The following SULT1B1 variants were observed in gnomAD, a reference collection of about 807,000 sequenced individuals.
SULT1B1 encodes the protein sulfotransferase 1B1.
Under a neutral mutation model 34.6 loss-of-function variants are expected in SULT1B1, and 28 were observed. The ratio of observed to expected loss-of-function variants is 0.81; its 90% CI spans 0.60 to 1.11. SULT1B1 has a LOEUF of 1.11. Ranked by LOEUF, SULT1B1 falls within the 50% of genes least tolerant of loss-of-function variation. SULT1B1 has a pLI of 0.00. For synonymous variants in SULT1B1, 147 were observed against 110.2 expected (o/e 1.33, Z -2.09); for missense variants, 374 against 352.2 (o/e 1.06, Z -0.50).
At chr4:69,744,270 C>T (rs1718666455) in intron 4 of SULT1B1, among the ~76,000 whole-genome samples, 2 of 152,210 alleles carry the variant, frequency 1.3e-5, no homozygotes, top group Admixed American at 1.3e-4. Context: ...TGACTGTCTC[C>T]TCTCTGTGTT....
In SULT1B1 at chr4:69,723,871, A is replaced by G. The variant is rs1235336191; in HGVS notation, c.*3217T>C. 2 of 152,226 alleles carry G rather than the reference A, an allele frequency of 1.3e-5. No homozygotes were observed. Among genetic ancestry groups the G allele is most frequent in the East Asian group, 3.8e-4 (2 of 5,200 alleles). The allele number at this position is 152,226 out of a possible 1,614,324, so 9.4% of individuals were successfully genotyped here. ...AATAAATTAGGTATTGATGGAATGT[A>G]TCTCAAAATAAGGAGAGCCCTCTAT... On this transcript the variant is annotated 3_prime_UTR_variant, in exon 8 of 8. Transcript: ENST00000310613.
intron 7 of SULT1B1, among the ~76,000 whole-genome samples, chr4:69,727,625 C>G (rs1048562114): frequency 2.6e-5 from 4 of 151,944 alleles, no homozygotes; most frequent in African/African-American, 9.7e-5. Flanking sequence ...GTCATCAGCA[C>G]AGCAAAACTG....
At position 69,754,816 on chromosome 4, in the gene SULT1B1, A is replaced by G. The variant is rs748779017; in HGVS notation, c.149-18T>C. ...AGTAGTACCTGTGACAAAAGGCAAC[A>G]TTTTCAAAATAATTACCCAAATTGC... On this transcript the variant is annotated intron_variant, in intron 2 of 7. Coordinates refer to ENST00000310613, the MANE Select transcript of SULT1B1 (RefSeq NM_014465.4). The G allele has an allele frequency of 1.2e-6, 2 of 1,606,946 alleles. No homozygotes were observed. The highest frequency in any genetic ancestry group is 2.2e-5 in the South Asian group (2 of 89,804).
At chr4:69,750,933 A>T (rs1718957701) in intron 3 of SULT1B1, among the ~76,000 whole-genome samples, 1 of 152,220 alleles carries the variant, frequency 6.6e-6, no homozygotes, top group South Asian at 2.1e-4. Context: ...ACAGGAAATT[A>T]AAAAATGTGA....
At chr4:69,729,392 C>T (rs907319136) in intron 7 of SULT1B1, among the ~76,000 whole-genome samples, 5 of 151,926 alleles carry the variant, frequency 3.3e-5, no homozygotes, top group Non-Finnish European at 7.4e-5. Flanking sequence ...GGAACCAATC[C>T]CCCACATATA....
At position 69,724,491 on chromosome 4, in the gene SULT1B1, T is replaced by C. The variant is rs1717746160; in HGVS notation, c.*2597A>G. 6.6e-6 allele frequency: 1 copy of C among 152,174 alleles called. No homozygotes were observed. Among genetic ancestry groups the C allele is most frequent in the African/African-American group, 2.4e-5 (1 of 41,438 alleles). The allele number at this position is 152,174 out of a possible 1,614,324, so 9.4% of individuals were successfully genotyped here. A position where few individuals can be genotyped will look rare whatever the true frequency, so the allele number is the denominator to read the frequency against. ...AATGCCATCCCCATTAAGCTACCAATGACTTTCTTCACAGAATTGGAAAAA... is the reference window on the plus strand; with the variant it reads ...AATGCCATCCCCATTAAGCTACCAACGACTTTCTTCACAGAATTGGAAAAA... On this transcript the variant is annotated 3_prime_UTR_variant, in exon 8 of 8. Coordinates refer to ENST00000310613, the MANE Select transcript of SULT1B1 (RefSeq NM_014465.4).
In SULT1B1 at chr4:69,721,668, A is replaced by G. The variant is rs1007349067; in HGVS notation, c.*5420T>C. 16 of 152,116 alleles carry G rather than the reference A, an allele frequency of 1.1e-4. No individual in the cohort carries two copies. The highest frequency in any genetic ancestry group is 3.9e-4 in the African/African-American group (16 of 41,448). 9.4% of individuals were successfully genotyped at this position (152,116 alleles called of 1,614,324 possible). On this transcript the variant is annotated 3_prime_UTR_variant, in exon 8 of 8. Coordinates refer to ENST00000310613, the MANE Select transcript of SULT1B1 (RefSeq NM_014465.4). Reference sequence around the variant, plus strand: ...ATTTAGGAAGATAACACAATAGAATAGGGTGGATTGAAAGGGAATACATGA... The same window carrying G: ...ATTTAGGAAGATAACACAATAGAATGGGGTGGATTGAAAGGGAATACATGA...
At chr4:69,744,159 C>T (rs1194797090) in intron 4 of SULT1B1, among the ~76,000 whole-genome samples, 1 of 152,150 alleles carries the variant, frequency 6.6e-6, no homozygotes, top group Admixed American at 6.5e-5. Context: ...AACCACGCTG[C>T]TCCCCCATTG....
At chr4:69,736,609 T>A (rs889646771) in intron 4 of SULT1B1, among the ~76,000 whole-genome samples, 4 of 151,608 alleles carry the variant, frequency 2.6e-5, no homozygotes, top group East Asian at 1.9e-4. Context: ...TGAAAAAAAA[T>A]TTAAAATAAA....
chr4:69,728,603 A>G (rs1717932904), intron 7 of SULT1B1, among the ~76,000 whole-genome samples: 1 of 151,322 alleles, frequency 6.6e-6, no homozygotes, highest in Non-Finnish European at 1.5e-5. Context: ...AAATTAACGA[A>G]TGAGTACTCT....
At chr4:69,733,311 C>G in intron 6 of SULT1B1, 102 bp downstream of exon 6, 4 of 700,818 alleles carry the variant, frequency 5.7e-6, no homozygotes, top group Non-Finnish European at 9.0e-6. Context: ...GCAAAGCAAT[C>G]ATCATTTTGG....
At chr4:69,738,407 A>G (rs1718402367) in intron 4 of SULT1B1, among the ~76,000 whole-genome samples, 1 of 152,188 alleles carries the variant, frequency 6.6e-6, no homozygotes, top group African/African-American at 2.4e-5. Context: ...GGCAGAAGCA[A>G]AAGAGAAGCA....
chr4:69,755,149 A>T lies in SULT1B1; in HGVS notation c.69T>A (p.Ala23=). ...KLVHGYPMTC[A]FASNWEKIEQ... ...CAATTTTTTCCCAGTTGCTTGCAAA[A>T]GCACAGGTCATGGGATAACCATGGA... Residue 23 remains alanine, a synonymous_variant, in exon 2 of 8, where the codon GCT becomes GCA. Coordinates refer to ENST00000310613, the MANE Select transcript of SULT1B1 (RefSeq NM_014465.4). 1 of 1,614,044 alleles carries T rather than the reference A, an allele frequency of 6.2e-7. No individual in the cohort carries two copies. Among genetic ancestry groups the T allele is most frequent in the Non-Finnish European group, 8.5e-7 (1 of 1,179,878 alleles).
At chr4:69,758,415 A>G (rs1388516511) in intron 1 of SULT1B1, 1 of 985,188 alleles carries the variant, frequency 1.0e-6, no homozygotes, top group Non-Finnish European at 1.2e-6. Flanking sequence ...TGATTTCCAC[A>G]TGATGAATGA....
chr4:69,756,342 T>C lies in SULT1B1; in HGVS notation c.-44-1081A>G, dbSNP rs146796382. 5.3e-5 allele frequency among the ~76,000 whole-genome samples: 8 copies of C among 152,290 alleles called. No homozygotes were observed. In the East Asian group the frequency reaches 1.5e-3, roughly 29 times the overall value. On this transcript the variant is annotated intron_variant, in intron 1 of 7. Coordinates refer to ENST00000310613, the MANE Select transcript of SULT1B1 (RefSeq NM_014465.4). Reference sequence around the variant, plus strand: ...TTAACTTCTTCTTGATTAGAAGCTGTCATTGATAATTTTTTGTGTCAACCT... The same window carrying C: ...TTAACTTCTTCTTGATTAGAAGCTGCCATTGATAATTTTTTGTGTCAACCT...
chr4:69,727,072 G>T lies in SULT1B1; in HGVS notation c.*16C>A, dbSNP rs2292092. 678,746 of 1,562,502 alleles carry T rather than the reference G, an allele frequency of 0.43. 150,990 individuals carry two copies. Among genetic ancestry groups the T allele is most frequent in the East Asian group, 0.62 (27,029 of 43,454 alleles). ...CAGACAATCTCTTATTTCTTCAGAT[G>T]TGTGATTTAGACACTTTAAATCTCT... On this transcript the variant is annotated 3_prime_UTR_variant, in exon 8 of 8. Transcript: ENST00000310613.
intron 5 of SULT1B1, 119 bp downstream of exon 5, chr4:69,734,019 A>C: frequency 1.1e-6 from 1 of 887,220 alleles, no homozygotes; most frequent in Non-Finnish European, 1.6e-6. Flanking sequence ...TTTAGATAAT[A>C]TTTGAACATA....
At chr4:69,737,207 T>G (rs915809251) in intron 4 of SULT1B1, among the ~76,000 whole-genome samples, 1 of 152,154 alleles carries the variant, frequency 6.6e-6, no homozygotes, top group African/African-American at 2.4e-5. Context: ...GTTTTTCAAG[T>G]GCAGAAAGTA....
In SULT1B1 at chr4:69,725,264, G is replaced by T. The variant is rs1384694992; in HGVS notation, c.*1824C>A. On this transcript the variant is annotated 3_prime_UTR_variant, in exon 8 of 8. Coordinates refer to ENST00000310613, the MANE Select transcript of SULT1B1 (RefSeq NM_014465.4). ...ACATTTATGCAGCCAACAGACACAT[G>T]AAAAAATGCTCATCATCACTGGCCA... The T allele has an allele frequency of 1.3e-5, 2 of 152,132 alleles. No individual in the cohort carries two copies. Among genetic ancestry groups the T allele is most frequent in the African/African-American group, 4.8e-5 (2 of 41,526 alleles). 9.4% of individuals were successfully genotyped at this position (152,132 alleles called of 1,614,324 possible). A position where few individuals can be genotyped will look rare whatever the true frequency, so the allele number is the denominator to read the frequency against.
Sources: allele counts gnomAD v4.1 joint callset (sites outside exome capture counted in the v4.1 genomes callset), GRCh38; gene constraint gnomAD v4.1.1; transcripts MANE v1.5; gene names NCBI Gene and HGNC (gene_info 2026-07-23, HGNC 2026-07-21).